RBM26: variants seen among roughly 807,000 people sequenced by gnomAD.
RBM26 encodes RNA-binding protein 26.
RBM26 carries 30 observed loss-of-function variants against 123.6 expected under a neutral mutation model. The ratio of observed to expected loss-of-function variants is 0.24; its 90% confidence interval spans 0.18 to 0.33. The LOEUF is 0.33. RBM26 is among the 10% of genes least tolerant of loss of function. The probability of loss-of-function intolerance (pLI) is 1.00; values close to 1 mark genes in which losing one functional copy is unlikely to be tolerated. For synonymous variants in RBM26, 400 were observed against 404.4 expected (o/e 0.99, Z 0.13); for missense variants, 947 against 1,203.6 (o/e 0.79, Z 3.15).
chr13:79,344,779 T>G lies in RBM26; in HGVS notation c.2074A>C (p.Thr692Pro). 1.2e-6 allele frequency: 2 copies of G among 1,612,898 alleles called. No homozygotes were observed. The highest frequency in any genetic ancestry group is 1.7e-6 in the Non-Finnish European group (2 of 1,179,342). The change falls in exon 15 of 22, where the codon ACT becomes CCT. Residue 692 changes from threonine (T) to proline (P), a missense_variant. Thr to Pro is a conservative substitution (Grantham distance 38). Around this residue, in one of 5 missense-constraint regions of RBM26, gnomAD observed 493 missense variants for 563.1 expected, o/e 0.88. Transcript: ENST00000438737. Reference protein sequence around the residue: ...SATEKVLSTSTGLTKTVYNPA... With the variant: ...SATEKVLSTSPGLTKTVYNPA... ...TTATACACTGTTTTTGTTAGGCCAG[T>G]AGATGTAGACAACACCTACCAATAC...
chr13:79,405,862 GCGCC>G lies in RBM26; in HGVS notation c.-92_-89del. The G allele has an allele frequency of 1.3e-6, 1 of 765,990 alleles. No individual in the cohort carries two copies. Among genetic ancestry groups the G allele is most frequent in the Non-Finnish European group, 1.8e-6 (1 of 555,398 alleles). The allele number at this position is 765,990 out of a possible 1,614,324, so 47.4% of individuals were successfully genotyped here. A position where few individuals can be genotyped will look rare whatever the true frequency, so the allele number is the denominator to read the frequency against. On this transcript the variant is annotated 5_prime_UTR_variant, in exon 1 of 22. Transcript: ENST00000438737. ...CCGCTGCCCCCGCCCCCTCCTCCGC[GCGCC>G]GCCCGCGTGGGCCGCGGTGGGAGGC...
intron 12 of RBM26, 38 bp from the exon 13 acceptor site, chr13:79,354,608 T>C: frequency 1.3e-6 from 2 of 1,527,606 alleles, no homozygotes; most frequent in Non-Finnish European, 1.8e-6. Context: ...AGTTGATTCA[T>C]TCAAAAGGAT....
rs151049065 is a variant in RBM26 at position 79,343,417 on chromosome 13, C to T, written c.2260-586G>A. Among the ~76,000 whole-genome samples, 495 of 151,996 alleles carry T rather than the reference C, an allele frequency of 3.3e-3. 3 individuals are homozygous for T. Among genetic ancestry groups the T allele is most frequent in the Non-Finnish European group, 5.2e-3 (351 of 67,770 alleles). On this transcript the variant is annotated intron_variant, in intron 16 of 21. Coordinates refer to ENST00000438737, the MANE Select transcript of RBM26 (RefSeq NM_001366735.2). ...TAGGTTTCCTGAATTAGGATGGCTT[C>T]AGTTTTTGGTTTTGTAAAGTATTGT...
At chr13:79,340,384 T>C (rs2071173841) in intron 18 of RBM26, among the ~76,000 whole-genome samples, 1 of 152,136 alleles carries the variant, frequency 6.6e-6, no homozygotes, top group Non-Finnish European at 1.5e-5. Context: ...CAAAAAATGA[T>C]CAAGTTGCCA....
At chr13:79,343,354 C>T (rs904307453) in intron 16 of RBM26, among the ~76,000 whole-genome samples, 18 of 151,720 alleles carry the variant, frequency 1.2e-4, no homozygotes, top group African/African-American at 4.4e-4. Context: ...ACAAGATAAG[C>T]AAGATAGTAT....
chr13:79,364,700 C>G (rs903426927), intron 9 of RBM26, among the ~76,000 whole-genome samples: 1 of 151,990 alleles, frequency 6.6e-6, no homozygotes, highest in Non-Finnish European at 1.5e-5. Flanking sequence ...GTAGGGCACT[C>G]TAGATGTAGG....
intron 1 of RBM26, among the ~76,000 whole-genome samples, chr13:79,383,486 CT>C (rs2077231289): frequency 6.6e-6 from 1 of 152,114 alleles, no homozygotes; most frequent in Non-Finnish European, 1.5e-5. Context: ...GTCAGGGAAT[CT>C]TTCATCTTCA....
intron 1 of RBM26, among the ~76,000 whole-genome samples, chr13:79,391,735 A>G (rs745945999): frequency 5.9e-5 from 9 of 152,020 alleles, no homozygotes; most frequent in Non-Finnish European, 1.2e-4. Flanking sequence ...AAGCATTTCT[A>G]TATTAGAAAA....
chr13:79,326,143 T>C (rs1433013531), intron 20 of RBM26, among the ~76,000 whole-genome samples: 1 of 152,212 alleles, frequency 6.6e-6, no homozygotes, highest in African/African-American at 2.4e-5. Flanking sequence ...TCAGGTCATA[T>C]CCCTCTTAAG....
chr13:79,372,104 C>T (rs1196556636), intron 3 of RBM26, among the ~76,000 whole-genome samples, 174 bp from the exon 4 acceptor site: 2 of 152,020 alleles, frequency 1.3e-5, no homozygotes, highest in East Asian at 1.9e-4. Context: ...CATGGTGAAA[C>T]CCTGTCTCTA....
chr13:79,400,466 A>G (rs2078968581), intron 1 of RBM26, among the ~76,000 whole-genome samples: 1 of 152,214 alleles, frequency 6.6e-6, no homozygotes. Context: ...CATTAATCCA[A>G]TCAACAAAGG....
chr13:79,369,130 T>A, intron 5 of RBM26, 140 bp from the exon 6 acceptor site: 1 of 506,790 alleles, frequency 2.0e-6, no homozygotes, highest in African/African-American at 2.0e-5. Context: ...TTTTAAAAAA[T>A]ATTCAATTAA....
intron 14 of RBM26, among the ~76,000 whole-genome samples, chr13:79,349,588 A>G (rs78221836): frequency 0.027 from 4,160 of 152,206 alleles, 90 homozygotes; most frequent in Middle Eastern, 0.075. Flanking sequence ...AATTAATTTC[A>G]TATTTTCCTG....
chr13:79,328,635 A>G (rs2068795693), intron 20 of RBM26, among the ~76,000 whole-genome samples: 1 of 149,604 alleles, frequency 6.7e-6, no homozygotes, highest in South Asian at 2.1e-4. Flanking sequence ...TCATAAAAAT[A>G]TAAGCTATGA....
chr13:79,406,084 G>A lies in RBM26; in HGVS notation c.-310C>T. On this transcript the variant is annotated 5_prime_UTR_variant, in exon 1 of 22. Coordinates refer to ENST00000438737, the MANE Select transcript of RBM26 (RefSeq NM_001366735.2). ...TACCCAGACCGGAAGCGCGACACGCGCTTAGACCCGAGCCTTCTCTCAGCC... is the reference window on the plus strand; with the variant it reads ...TACCCAGACCGGAAGCGCGACACGCACTTAGACCCGAGCCTTCTCTCAGCC... The A allele has an allele frequency of 4.4e-6, 1 of 225,452 alleles. No homozygotes were observed. Among genetic ancestry groups the A allele is most frequent in the Non-Finnish European group, 8.6e-6 (1 of 116,010 alleles). The allele number at this position is 225,452 out of a possible 1,614,324, so 14.0% of individuals were successfully genotyped here. A position where few individuals can be genotyped will look rare whatever the true frequency, so the allele number is the denominator to read the frequency against.
intron 1 of RBM26, among the ~76,000 whole-genome samples, chr13:79,404,932 T>G (rs1033855780): frequency 3.3e-5 from 5 of 152,192 alleles, no homozygotes; most frequent in Non-Finnish European, 7.3e-5. Context: ...AATACGTGAA[T>G]TTTCCCCATT....
chr13:79,388,082 G>A (rs1405168263), intron 1 of RBM26, among the ~76,000 whole-genome samples: 2 of 152,170 alleles, frequency 1.3e-5, no homozygotes, highest in Admixed American at 1.3e-4. Flanking sequence ...CTAAGAAATA[G>A]CTAACTAGTC....
In RBM26 at chr13:79,359,607, A is replaced by G. The variant is rs1456132337; in HGVS notation, c.1497T>C (p.Pro499=). 2 of 1,596,838 alleles carry G rather than the reference A, an allele frequency of 1.3e-6. No individual in the cohort carries two copies. The highest frequency in any genetic ancestry group is 1.4e-5 in the African/African-American group (1 of 73,946). Reference sequence around the variant, plus strand: ...ACCAAGTCTTCTTTGTAGGAACTCCAGGCTCTCCAGAACCAATGGTTCTTT... The same window carrying G: ...ACCAAGTCTTCTTTGTAGGAACTCCGGGCTCTCCAGAACCAATGGTTCTTT... ...SRKRTIGSGE[P]GVPTKKTWFD... Residue 499 remains proline (P), a synonymous_variant, in exon 10 of 22, where the codon CCT becomes CCC. Transcript: ENST00000438737.
intron 9 of RBM26, among the ~76,000 whole-genome samples, chr13:79,363,541 A>G (rs1196627272): frequency 6.6e-6 from 1 of 152,230 alleles, no homozygotes; most frequent in Non-Finnish European, 1.5e-5. Context: ...CAAAAATGGT[A>G]CATGATGTAT....
Sources: gnomAD v4.1 joint callset for allele counts (sites outside exome capture counted in the v4.1 genomes callset) on GRCh38, gnomAD v4.1.1 for gene constraint, gnomAD v4.1.1 regional missense constraint, MANE v1.5 for transcripts, NCBI Gene and HGNC (gene_info 2026-07-23, HGNC 2026-07-21) for gene names.